FBXW11: variants seen among roughly 807,000 people sequenced by gnomAD.
FBXW11 encodes F-box and WD repeat domain containing 11.
In FBXW11, 19 loss-of-function variants were observed where a neutral mutation model predicts 77.6. The ratio of observed to expected loss-of-function variants is 0.24; its 90% confidence interval spans 0.17 to 0.36. The LOEUF is 0.36. Ranked by LOEUF, FBXW11 falls within the 10% of genes least tolerant of loss-of-function variation. The pLI is 1.00. For missense variants in FBXW11, 334 were observed against 704.2 expected, an observed-to-expected ratio of 0.47 and a Z score of 5.95; for synonymous variants, 235 against 249.4, an observed-to-expected ratio of 0.94 and a Z score of 0.54.
intron 6 of FBXW11, among the ~76,000 whole-genome samples, chr5:171,895,237 G>A (rs1759664638): frequency 6.6e-6 from 1 of 152,146 alleles, no homozygotes; most frequent in African/African-American, 2.4e-5. Context: ...CCCTTACCCT[G>A]CGCAAATTTT....
rs749845697 is a variant in FBXW11 at position 171,876,317 on chromosome 5, T to C, written c.1189A>G (p.Ile397Val). Residue 397 changes from isoleucine to valine, a missense_variant, in exon 9 of 14, where the codon ATC becomes GTC. Ile to Val is a conservative substitution (Grantham distance 29). Around this residue, in one of 10 missense-constraint regions of FBXW11, gnomAD observed 50 missense variants for 119.6 expected, o/e 0.42. Transcript: ENST00000517395. This position sits in a 1 kb window ranked among gnomAD's most constrained non-coding sequence, Gnocchi z 4.2. Reference protein sequence around the residue: ...VNVVDFDDKYIVSASGDRTIK... With the variant: ...VNVVDFDDKYVVSASGDRTIK... ...GTCCTGTCACCAGAGGCAGACACGA[T>C]GTACTTGTCGTCAAAGTCTACTACA... 11 of 1,614,094 alleles carry C rather than the reference T, an allele frequency of 6.8e-6. No individual in the cohort carries two copies. In the East Asian group the frequency reaches 1.3e-4, roughly 20 times the overall value.
At chr5:171,891,672 G>A in intron 6 of FBXW11, 68 bp from the exon 7 acceptor site, 4 of 1,512,058 alleles carry the variant, frequency 2.6e-6, no homozygotes, top group Non-Finnish European at 3.6e-6. Context: ...TTCAGACTTT[G>A]GCGTTGCTTC....
chr5:171,885,435 C>T (rs1021240943), intron 7 of FBXW11, among the ~76,000 whole-genome samples: 3 of 152,146 alleles, frequency 2.0e-5, no homozygotes, highest in African/African-American at 4.8e-5. Context: ...CTGGTTCTCC[C>T]GGATGTTTCT....
intron 13 of FBXW11, among the ~76,000 whole-genome samples, chr5:171,864,705 T>G (rs949523933): frequency 6.6e-6 from 1 of 152,202 alleles, no homozygotes; most frequent in African/African-American, 2.4e-5. Context: ...TTCCATAATT[T>G]TTTGACTATG....
At chr5:171,997,602 T>C (rs1262346200) in intron 1 of FBXW11, among the ~76,000 whole-genome samples, 1 of 152,202 alleles carries the variant, frequency 6.6e-6, no homozygotes, top group Non-Finnish European at 1.5e-5. Context: ...AACATATAAC[T>C]GAAGACTGAA....
intron 5 of FBXW11, 81 bp from the exon 6 acceptor site, chr5:171,899,175 A>T: frequency 1.1e-6 from 1 of 880,008 alleles, no homozygotes; most frequent in Non-Finnish European, 1.8e-6. Context: ...TGACAAAGAT[A>T]TATCTTTCAT....
chr5:171,916,325 G>A (rs1008232748), intron 2 of FBXW11: 11 of 334,038 alleles, frequency 3.3e-5, no homozygotes, highest in African/African-American at 6.8e-5. Context: ...CAGAGATTTT[G>A]ACAGGATGCT....
At chr5:171,878,240 T>C in intron 7 of FBXW11, 111 bp from the exon 8 acceptor site, 1 of 727,048 alleles carries the variant, frequency 1.4e-6, no homozygotes, top group Middle Eastern at 2.4e-4. Flanking sequence ...TGGGTTACAG[T>C]AAATAAGAAA....
intron 2 of FBXW11, among the ~76,000 whole-genome samples, chr5:171,944,159 C>T (rs1309234213): frequency 2.0e-5 from 3 of 152,012 alleles, no homozygotes; most frequent in African/African-American, 7.2e-5. Context: ...TATAGGAATA[C>T]ATTAATACAC....
intron 2 of FBXW11, among the ~76,000 whole-genome samples, chr5:171,953,903 C>T (rs1404006194): frequency 1.3e-5 from 2 of 152,102 alleles, no homozygotes; most frequent in Non-Finnish European, 2.9e-5. Flanking sequence ...CTGTGGCTCA[C>T]TACACCTATT....
intron 2 of FBXW11, among the ~76,000 whole-genome samples, chr5:171,928,359 A>T (rs1761994712): frequency 6.6e-6 from 1 of 152,236 alleles, no homozygotes; most frequent in Admixed American, 6.5e-5. Flanking sequence ...TCCCTAAAAA[A>T]ACCCAACGAT....
intron 6 of FBXW11, among the ~76,000 whole-genome samples, 198 bp from the exon 7 acceptor site, chr5:171,891,802 C>A (rs183368632): frequency 5.3e-5 from 8 of 151,972 alleles, no homozygotes; most frequent in Non-Finnish European, 5.9e-5. Context: ...CTTTCCCTGC[C>A]CATTTGGCAA....
chr5:171,974,087 T>C (rs1223328450), intron 1 of FBXW11, among the ~76,000 whole-genome samples: 6 of 152,134 alleles, frequency 3.9e-5, no homozygotes, highest in Non-Finnish European at 8.8e-5. Flanking sequence ...TTTTTGGTGG[T>C]ACATGAAGAT....
At chr5:171,934,603 G>C (rs1303855856) in intron 2 of FBXW11, among the ~76,000 whole-genome samples, 2 of 151,540 alleles carry the variant, frequency 1.3e-5, no homozygotes, top group Non-Finnish European at 2.9e-5. Context: ...CTTGAACCCG[G>C]GAGGCAGAGG....
intron 1 of FBXW11, among the ~76,000 whole-genome samples, chr5:171,986,340 G>A (rs538618013): frequency 1.6e-4 from 24 of 151,712 alleles, no homozygotes; most frequent in African/African-American, 5.6e-4. Context: ...CCTGGGAGGT[G>A]GAGGTTGCAG....
intron 2 of FBXW11, among the ~76,000 whole-genome samples, chr5:171,926,817 T>C (rs1761914623): frequency 6.6e-6 from 1 of 152,226 alleles, no homozygotes; most frequent in Admixed American, 6.5e-5. Context: ...TTGGTTGTAT[T>C]ATTCAATCTG....
chr5:171,926,891 A>G (rs1313221741), intron 2 of FBXW11, among the ~76,000 whole-genome samples: 4 of 152,224 alleles, frequency 2.6e-5, no homozygotes, highest in Admixed American at 1.3e-4. Flanking sequence ...ATAAATATCT[A>G]TTGATAAATA....
chr5:171,865,453 T>C (rs990797550), intron 13 of FBXW11, among the ~76,000 whole-genome samples: 7 of 152,152 alleles, frequency 4.6e-5, no homozygotes, highest in African/African-American at 1.4e-4. Context: ...AGGATAAATA[T>C]GTAACAACAG....
In FBXW11 at chr5:171,912,253, T is replaced by C. The variant is rs1259969355; in HGVS notation, c.211-1456A>G. ...CATCTATCTTCCACTCAATTTATCC[T>C]AGCGCCCCACTGTCGAGGAATGTTT... On this transcript the variant is annotated intron_variant, in intron 3 of 13. Coordinates refer to ENST00000517395, the MANE Select transcript of FBXW11 (RefSeq NM_001378974.1). Among the ~76,000 whole-genome samples the C allele has an allele frequency of 2.6e-5, 4 of 152,320 alleles. No homozygotes were observed. In the East Asian group the frequency reaches 7.7e-4, roughly 29 times the overall value.
Sources: gnomAD v4.1 joint callset for allele counts (sites outside exome capture counted in the v4.1 genomes callset) on GRCh38, gnomAD v4.1.1 for gene constraint, gnomAD v4.1.1 regional missense constraint, Gnocchi (gnomAD v3.1) non-coding constraint, MANE v1.5 for transcripts, NCBI Gene and HGNC (gene_info 2026-07-23, HGNC 2026-07-21) for gene names.